The following TIMM50 variants were observed in gnomAD, a reference collection of about 807,000 sequenced individuals.
TIMM50 encodes translocase of inner mitochondrial membrane 50, also known as mitochondrial import inner membrane translocase subunit TIM50.
TIMM50 carries 34 observed loss-of-function variants against 49.6 expected under a neutral mutation model. That is an observed-to-expected ratio of 0.69 (90% CI 0.52 to 0.91). TIMM50 has a LOEUF of 0.91. Ranked by LOEUF, TIMM50 falls within the 40% of genes least tolerant of loss-of-function variation. TIMM50 has a pLI of 0.00. For missense variants in TIMM50, 458 were observed against 477.8 expected, an observed-to-expected ratio of 0.96 and a Z score of 0.39; for synonymous variants, 199 against 198.4, an observed-to-expected ratio of 1.00 and a Z score of -0.03.
At position 39,489,841 on chromosome 19, in the gene TIMM50, C is replaced by T. The variant is rs769411433; in HGVS notation, c.*21C>T. 14 of 1,588,096 alleles carry T rather than the reference C, an allele frequency of 8.8e-6. No homozygotes were observed. The highest frequency in any genetic ancestry group is 1.2e-5 in the Non-Finnish European group (14 of 1,166,752). On this transcript the variant is annotated 3_prime_UTR_variant, in exon 11 of 11. Transcript: ENST00000607714. ...CCTGAACTCTGGGCCTCCTCAAACT[C>T]AGTGCCTGGGTCCAGGGCCCCAGTG...
In TIMM50 at chr19:39,488,530, T is replaced by G. The variant is rs749207594; in HGVS notation, c.854-9T>G. On this transcript the variant is annotated splice_polypyrimidine_tract_variant and intron_variant, in intron 9 of 10. Transcript: ENST00000607714. ...AAGCCTGGCTGACCACCCCCTGTTG[T>G]GCCCACAGCCATTGCACTGAATGGT... The G allele has an allele frequency of 8.4e-5, 136 of 1,611,370 alleles. No individual in the cohort carries two copies. Among genetic ancestry groups the G allele is most frequent in the Non-Finnish European group, 9.9e-5 (117 of 1,179,042 alleles).
At position 39,486,500 on chromosome 19, in the gene TIMM50, C is replaced by A. The variant is rs567209992; in HGVS notation, c.696+5C>A. On this transcript the variant is annotated splice_donor_5th_base_variant and intron_variant, in intron 8 of 10. Transcript: ENST00000607714. The stretch of plus-strand genomic sequence containing the variant: ...ATGGATGGACACCATGTAAAGGTGC[C>A]GTGGGTTCATGGGTGGGCCTCTGGG... 2.5e-6 allele frequency: 4 copies of A among 1,613,846 alleles called. No individual in the cohort carries two copies. Among genetic ancestry groups the A allele is most frequent in the Non-Finnish European group, 3.4e-6 (4 of 1,179,788 alleles).
intron 3 of TIMM50, 92 bp downstream of exon 3, chr19:39,483,008 G>A (rs751183221): frequency 1.9e-6 from 3 of 1,608,468 alleles, no homozygotes; most frequent in Non-Finnish European, 2.6e-6. Flanking sequence ...TTGCTGGTCT[G>A]GAGTGAGCCT....
chr19:39,488,084 C>T lies in TIMM50; in HGVS notation c.720C>T (p.Asp240=). The change falls in exon 9 of 11, where the codon GAC becomes GAT. Residue 240 remains aspartate, a synonymous_variant. Coordinates refer to ENST00000607714, the MANE Select transcript of TIMM50 (RefSeq NM_001001563.5). ...HVKDISCLNR[D]PARVVVVDCK... Reference sequence around the variant, plus strand: ...AGGATATTTCATGTCTGAATCGGGACCCAGCTCGAGTAGTAGTTGTGGACT... The same window carrying T: ...AGGATATTTCATGTCTGAATCGGGATCCAGCTCGAGTAGTAGTTGTGGACT... 6.2e-7 allele frequency: 1 copy of T among 1,611,114 alleles called. No homozygotes were observed. Among genetic ancestry groups the T allele is most frequent in the Non-Finnish European group, 8.5e-7 (1 of 1,177,536 alleles).
chr19:39,486,863 G>C (rs907411917), intron 8 of TIMM50, among the ~76,000 whole-genome samples: 1 of 152,194 alleles, frequency 6.6e-6, no homozygotes, highest in Non-Finnish European at 1.5e-5. Context: ...CCCGGGCTCT[G>C]TTACTGTGGC....
intron 1 of TIMM50, chr19:39,481,276 G>A (rs2079469661): frequency 4.7e-6 from 2 of 425,814 alleles, no homozygotes; most frequent in Admixed American, 8.4e-5. Context: ...TCCCAGTCTG[G>A]CCGTGGGAGT....
At chr19:39,482,748 C>T in intron 2 of TIMM50, 137 bp from the exon 3 acceptor site, 1 of 1,109,502 alleles carries the variant, frequency 9.0e-7, no homozygotes, top group Non-Finnish European at 1.3e-6. Context: ...CTCCCAGCCC[C>T]CTCCTGGCTT....
intron 10 of TIMM50, among the ~76,000 whole-genome samples, chr19:39,489,448 C>T (rs942823837): frequency 6.6e-6 from 1 of 152,070 alleles, no homozygotes. Flanking sequence ...CCTCGAGTGC[C>T]TAGTATTGGA....
In TIMM50 at chr19:39,493,455, A is replaced by G. The variant is rs1231108269; in HGVS notation, c.*3635A>G. On this transcript the variant is annotated 3_prime_UTR_variant, in exon 11 of 11. Transcript: ENST00000607714. ...CCATCGCATCCCCTGTGCCTTGCACATATACACCCAGATGGCCTGAAGTAA... is the reference window on the plus strand; with the variant it reads ...CCATCGCATCCCCTGTGCCTTGCACGTATACACCCAGATGGCCTGAAGTAA... 1 of 151,880 alleles carries G rather than the reference A, an allele frequency of 6.6e-6. No homozygotes were observed. Among genetic ancestry groups the G allele is most frequent in the East Asian group, 1.9e-4 (1 of 5,168 alleles). 9.4% of individuals were successfully genotyped at this position (151,880 alleles called of 1,614,324 possible). A position where few individuals can be genotyped will look rare whatever the true frequency, so the allele number is the denominator to read the frequency against.
In TIMM50 at chr19:39,485,519, CTCTT is replaced by C. The variant is rs773203783; in HGVS notation, c.314-23_314-20del. The C allele has an allele frequency of 2.4e-5, 39 of 1,613,996 alleles. No homozygotes were observed. In the South Asian group the frequency reaches 3.4e-4, roughly 14 times the overall value. On this transcript the variant is annotated intron_variant, in intron 4 of 10. Transcript: ENST00000607714. ...GTTGAACAGCGGCTTATTGTGGAAT[CTCTT>C]TGTGCCTGGTGTTCTCCTAGATCCA...
intron 4 of TIMM50, chr19:39,485,328 A>C (rs1332370092): frequency 1.7e-6 from 1 of 605,392 alleles, no homozygotes; most frequent in African/African-American, 1.9e-5. Context: ...TAGTATGTGG[A>C]TATAAGTATC....
In TIMM50 at chr19:39,492,322, G is replaced by T. The variant is rs8100998; in HGVS notation, c.*2502G>T. On this transcript the variant is annotated 3_prime_UTR_variant, in exon 11 of 11. Coordinates refer to ENST00000607714, the MANE Select transcript of TIMM50 (RefSeq NM_001001563.5). Reference sequence around the variant, plus strand: ...TGGGAAGAGCCTGTCTCTTGCGGGGGGGGGAGAAGAAAGTTCTTGTCTCAG... The same window carrying T: ...TGGGAAGAGCCTGTCTCTTGCGGGGTGGGGAGAAGAAAGTTCTTGTCTCAG... 0.17 allele frequency: 25,269 copies of T among 148,262 alleles called. 2,236 individuals carry two copies. Among genetic ancestry groups the T allele is most frequent in the African/African-American group, 0.21 (8,406 of 39,118 alleles). The allele number at this position is 148,262 out of a possible 1,614,324, so 9.2% of individuals were successfully genotyped here. A position where few individuals can be genotyped will look rare whatever the true frequency, so the allele number is the denominator to read the frequency against.
At chr19:39,488,477 A>C in intron 9 of TIMM50, 62 bp from the exon 10 acceptor site, 1 of 1,500,664 alleles carries the variant, frequency 6.7e-7, no homozygotes, top group East Asian at 2.3e-5. Flanking sequence ...CGTTCCCCTC[A>C]TGGGCCCTGC....
chr19:39,489,707 C>T lies in TIMM50; in HGVS notation c.961-12C>T, dbSNP rs377536608. ...GCGCTGACCCTCTCCTCCAACTGTC[C>T]CCCTACCCCAGGAGGAGCAGCAGCG... On this transcript the variant is annotated splice_polypyrimidine_tract_variant and intron_variant, in intron 10 of 10. Coordinates refer to ENST00000607714, the MANE Select transcript of TIMM50 (RefSeq NM_001001563.5). The T allele has an allele frequency of 2.3e-5, 36 of 1,597,656 alleles. No individual in the cohort carries two copies. The highest frequency in any genetic ancestry group is 2.9e-5 in the Non-Finnish European group (34 of 1,172,620).
rs1297743213 is a variant in TIMM50, at chr19:39,492,369, A to T, written c.*2549A>T. 6.6e-6 allele frequency: 1 copy of T among 151,760 alleles called. No homozygotes were observed. The highest frequency in any genetic ancestry group is 2.4e-5 in the African/African-American group (1 of 41,296). 9.4% of individuals were successfully genotyped at this position (151,760 alleles called of 1,614,324 possible). ...TCAGGCTAGCTTTGGGGACCAAATG[A>T]AGCACTCCCATGTAGGCACTCAAAT... On this transcript the variant is annotated 3_prime_UTR_variant, in exon 11 of 11. Transcript: ENST00000607714.
chr19:39,487,172 G>A (rs1474627052), intron 8 of TIMM50, among the ~76,000 whole-genome samples: 1 of 152,174 alleles, frequency 6.6e-6, no homozygotes, highest in Non-Finnish European at 1.5e-5. Context: ...CACGAGAGTG[G>A]CCACCTCCCT....
Position 39,485,766 on chromosome 19 carries a change from G to C in TIMM50, c.451G>C (p.Val151Leu), listed in dbSNP as rs199511949. Residue 151 changes from valine (V) to leucine (L), a missense_variant, in exon 6 of 11, where the codon GTT becomes CTT. By Grantham distance (32) the Val-to-Leu change is conservative. Transcript: ENST00000607714. The part of the protein sequence containing the change: ...EPYYQPPYTL[V>L]LELTGVLLHP... ...GTACTACCAGCCACCCTACACGCTCGTTTTGGAGCTCACCGGCGTCCTCTT... is the reference window on the plus strand; with the variant it reads ...GTACTACCAGCCACCCTACACGCTCCTTTTGGAGCTCACCGGCGTCCTCTT... 6.2e-7 allele frequency: 1 copy of C among 1,614,124 alleles called. No homozygotes were observed. Among genetic ancestry groups the C allele is most frequent in the Non-Finnish European group, 8.5e-7 (1 of 1,180,014 alleles).
intron 8 of TIMM50, 189 bp from the exon 9 acceptor site, chr19:39,487,872 G>C: frequency 1.3e-6 from 1 of 759,364 alleles, no homozygotes; most frequent in South Asian, 2.2e-5. Context: ...GATTACAGGC[G>C]TGAGCCACCA....
At chr19:39,481,744 C>T in intron 1 of TIMM50, 139 bp from the exon 2 acceptor site, 1 of 1,111,680 alleles carries the variant, frequency 9.0e-7, no homozygotes, top group Non-Finnish European at 1.3e-6. Flanking sequence ...ATCCTGACTG[C>T]TACTCCAGGG....
Sources: allele counts gnomAD v4.1 joint callset (sites outside exome capture counted in the v4.1 genomes callset), GRCh38; gene constraint gnomAD v4.1.1; transcripts MANE v1.5; gene names NCBI Gene and HGNC (gene_info 2026-07-23, HGNC 2026-07-21).